The following CSMD1 variants were observed in gnomAD, a reference collection of about 807,000 sequenced individuals.
CSMD1 encodes the protein CUB and sushi domain-containing protein 1.
In CSMD1, 213 loss-of-function variants were observed where a neutral mutation model predicts 417.5. That is an observed-to-expected ratio of 0.51 (90% CI 0.46 to 0.57). The LOEUF is 0.57. CSMD1 is among the 20% of genes least tolerant of loss of function. CSMD1 has a pLI of 0.00. For missense variants in CSMD1, 6,923 were observed against 4,529.7 expected, an observed-to-expected ratio of 1.53 and a Z score of -15.17; for synonymous variants, 2,862 against 1,736.8, an observed-to-expected ratio of 1.65 and a Z score of -16.11.
chr8:3,529,441 T>G (rs1183721266), intron 10 of CSMD1, among the ~76,000 whole-genome samples: 2 of 152,204 alleles, frequency 1.3e-5, no homozygotes, highest in Admixed American at 1.3e-4. Flanking sequence ...GCAGGAATTT[T>G]TGTAAGACAG....
At chr8:4,148,015 T>C (rs931799955) in intron 3 of CSMD1, among the ~76,000 whole-genome samples, 4 of 152,102 alleles carry the variant, frequency 2.6e-5, no homozygotes, top group African/African-American at 9.7e-5. Flanking sequence ...GTTCCATGAT[T>C]GTTTCCCATA....
chr8:3,037,666 A>G (rs1299750017), intron 50 of CSMD1, among the ~76,000 whole-genome samples: 4 of 152,154 alleles, frequency 2.6e-5, no homozygotes, highest in African/African-American at 9.7e-5. Flanking sequence ...CTTAAGGACA[A>G]AAGTTGTTTT....
intron 3 of CSMD1, among the ~76,000 whole-genome samples, chr8:4,282,584 G>C (rs1172296055): frequency 6.6e-6 from 1 of 152,156 alleles, no homozygotes; most frequent in Non-Finnish European, 1.5e-5. Context: ...TAAATGAATT[G>C]ATCTTAGAAG....
chr8:4,665,480 C>T (rs1260324543), intron 1 of CSMD1, among the ~76,000 whole-genome samples: 1 of 152,196 alleles, frequency 6.6e-6, no homozygotes, highest in Non-Finnish European at 1.5e-5. Flanking sequence ...GCATTCCCAG[C>T]ACACTGATAA....
At chr8:4,380,997 A>C (rs990119264) in intron 3 of CSMD1, among the ~76,000 whole-genome samples, 2 of 152,150 alleles carry the variant, frequency 1.3e-5, no homozygotes, top group African/African-American at 4.8e-5. Context: ...AGCGTATCTC[A>C]CTGCCAGAAC....
chr8:3,303,438 A>G (rs907304101), intron 25 of CSMD1, among the ~76,000 whole-genome samples: 1 of 152,218 alleles, frequency 6.6e-6, no homozygotes, highest in Admixed American at 6.5e-5. Context: ...TACCTTTTCT[A>G]AAAGTCTGCA....
At chr8:4,927,075 TTGCTTTCAATGC>T (rs1806918157) in intron 1 of CSMD1, among the ~76,000 whole-genome samples, 1 of 144,066 alleles carries the variant, frequency 6.9e-6, no homozygotes, top group South Asian at 2.3e-4. Flanking sequence ...GCTGTGTTAT[TTGCTTTCAATGC>T]ATTATTATTA....
chr8:4,057,998 G>C (rs921375560), intron 3 of CSMD1, among the ~76,000 whole-genome samples: 8 of 151,482 alleles, frequency 5.3e-5, no homozygotes, highest in African/African-American at 1.9e-4. Context: ...TTTGCCTTAG[G>C]ATTGACTTGG....
intron 5 of CSMD1, among the ~76,000 whole-genome samples, chr8:3,861,282 T>C (rs934591817): frequency 9.9e-5 from 15 of 152,220 alleles, no homozygotes; most frequent in African/African-American, 3.1e-4. Flanking sequence ...GAGAAGATCA[T>C]TAAACCTTCC....
intron 36 of CSMD1, among the ~76,000 whole-genome samples, chr8:3,184,695 C>A (rs931622127): frequency 3.9e-5 from 6 of 152,202 alleles, no homozygotes; most frequent in African/African-American, 1.4e-4. Context: ...CTATACTGTG[C>A]TTTCAGGACT....
At chr8:4,624,282 G>A (rs1801967510) in intron 2 of CSMD1, among the ~76,000 whole-genome samples, 1 of 152,144 alleles carries the variant, frequency 6.6e-6, no homozygotes, top group Admixed American at 6.5e-5. Flanking sequence ...ACAAGCTATA[G>A]TAGGGAAAGG....
At chr8:4,424,566 C>T (rs1154046) in intron 2 of CSMD1, among the ~76,000 whole-genome samples, 71,619 of 151,712 alleles carry the variant, frequency 0.47, 17,355 homozygotes, top group Non-Finnish European at 0.52. Flanking sequence ...CTGGCTAGAA[C>T]GTGGAGAAAA....
intron 5 of CSMD1, among the ~76,000 whole-genome samples, chr8:3,761,587 C>A (rs945110314): frequency 9.0e-5 from 13 of 144,740 alleles, no homozygotes; most frequent in African/African-American, 1.3e-4. Context: ...CTCACTGCAT[C>A]CTCTCCCCAC....
In CSMD1 at chr8:4,504,039, T is replaced by G. The variant is rs573687920; in HGVS notation, c.303-83974A>C. 4.6e-5 allele frequency among the ~76,000 whole-genome samples: 7 copies of G among 151,892 alleles called. No individual in the cohort carries two copies. The South Asian group carries it at 1.5e-3, about 32-fold the overall frequency. ...AGGTTATCTGTGTTCTCATGTTCAT[T>G]GCTGTGTAATTCAAAACAGTGGAGG... On this transcript the variant is annotated intron_variant, in intron 2 of 69. Transcript: ENST00000635120.
intron 1 of CSMD1, among the ~76,000 whole-genome samples, chr8:4,907,795 G>C (rs763996621): frequency 1.3e-5 from 2 of 151,522 alleles, no homozygotes; most frequent in African/African-American, 4.9e-5. Context: ...GAAACCCCTG[G>C]GCTCAAGCAA....
intron 21 of CSMD1, 33 bp from the exon 22 acceptor site, chr8:3,348,194 T>A (rs1027445348): frequency 6.4e-7 from 1 of 1,567,676 alleles, no homozygotes; most frequent in East Asian, 2.3e-5. Context: ...GAAAGAGGAT[T>A]CAAAAGTGGA....
chr8:4,276,952 A>G (rs980819946), intron 3 of CSMD1, among the ~76,000 whole-genome samples: 5 of 152,186 alleles, frequency 3.3e-5, no homozygotes, highest in African/African-American at 9.6e-5. Flanking sequence ...GTTTTCGTAT[A>G]CCAACAAATG....
intron 16 of CSMD1, among the ~76,000 whole-genome samples, chr8:3,398,628 G>A (rs1346674773): frequency 1.3e-5 from 2 of 152,116 alleles, no homozygotes; most frequent in African/African-American, 2.4e-5. Flanking sequence ...GTCATTGTTA[G>A]AGAAAGCCCA....
rs961404426 is a variant in CSMD1 at position 4,442,098 on chromosome 8, C to T, written c.303-22033G>A. 7.2e-5 allele frequency among the ~76,000 whole-genome samples: 11 copies of T among 152,064 alleles called. No homozygotes were observed. In the East Asian group the frequency reaches 9.6e-4, roughly 13 times the overall value. ...GAGTTTGAGTTGTAGAAACACGTGA[C>T]GAAATGCTTATCTCCTCCCACTCTT... On this transcript the variant is annotated intron_variant, in intron 2 of 69. Coordinates refer to ENST00000635120, the MANE Select transcript of CSMD1 (RefSeq NM_033225.6).
Sources: gnomAD v4.1 joint callset for allele counts (sites outside exome capture counted in the v4.1 genomes callset) on GRCh38, gnomAD v4.1.1 for gene constraint, MANE v1.5 for transcripts, NCBI Gene and HGNC (gene_info 2026-07-23, HGNC 2026-07-21) for gene names.